Variants in IFT74 observed in about 807,000 individuals in gnomAD.
The protein encoded by IFT74 is intraflagellar transport 74, also known as intraflagellar transport protein 74 homolog.
IFT74 carries 92 observed loss-of-function variants against 96.7 expected under a neutral mutation model. The observed-to-expected ratio is 0.95, with a 90% CI of 0.80 to 1.13. The LOEUF (loss-of-function observed/expected upper bound fraction) is 1.13, where lower values mean the gene tolerates loss of function less well. IFT74 is among the 50% of genes most tolerant of loss of function. IFT74 has a pLI of 0.00. For missense variants in IFT74, 811 were observed against 698.2 expected (o/e 1.16, Z -1.82); for synonymous variants, 223 against 213.2 (o/e 1.05, Z -0.40).
chr9:27,016,873 C>G (rs1196650621), intron 10 of IFT74, 34 bp from the exon 11 acceptor site: 4 of 1,524,824 alleles, frequency 2.6e-6, no homozygotes, highest in Non-Finnish European at 3.6e-6. Context: ...TGATAAAATA[C>G]TAATTAAAAC....
chr9:26,996,543 T>C, intron 8 of IFT74: 1 of 1,233,336 alleles, frequency 8.1e-7, no homozygotes, highest in Non-Finnish European at 1.1e-6. Flanking sequence ...AGAAAAATAA[T>C]AGTTAACAAC....
chr9:27,004,386 G>A (rs943967825), intron 8 of IFT74, among the ~76,000 whole-genome samples: 2 of 152,148 alleles, frequency 1.3e-5, no homozygotes, highest in African/African-American at 4.8e-5. Context: ...AGCATCGTTA[G>A]GTCTGAAGCT....
chr9:27,005,352 T>TCC lies in IFT74; in HGVS notation c.588-3661_588-3660dup, dbSNP rs1443234170. On this transcript the variant is annotated intron_variant, in intron 8 of 19. Transcript: ENST00000380062. ...ATTTGATTGGCTAGATGAAACCATT[T>TCC]CCCCCCCCGCCCCCCGCAAAACAAT... is the stretch of plus-strand genomic sequence containing the variant. Among the ~76,000 whole-genome samples the TCC allele has an allele frequency of 1.5e-3, 28 of 18,924 alleles. 2 individuals are homozygous for TCC. The highest frequency in any genetic ancestry group is 1.8e-3 in the Non-Finnish European group (16 of 8,820). The allele number at this position is 18,924 out of a possible 152,430, so 12.4% of individuals were successfully genotyped here. A position where few individuals can be genotyped will look rare whatever the true frequency, so the allele number is the denominator to read the frequency against.
intron 16 of IFT74, among the ~76,000 whole-genome samples, chr9:27,049,520 G>T (rs1020108309): frequency 5.3e-5 from 8 of 152,162 alleles, no homozygotes; most frequent in Non-Finnish European, 1.0e-4. Flanking sequence ...AATCATTTGT[G>T]CTGAGAGTGG....
intron 8 of IFT74, among the ~76,000 whole-genome samples, chr9:27,004,533 T>C (rs1318075544): frequency 6.6e-6 from 1 of 152,212 alleles, no homozygotes; most frequent in Non-Finnish European, 1.5e-5. Context: ...AAGCATTTGC[T>C]AGCATTATTG....
chr9:27,012,831 C>T (rs1246031426), intron 10 of IFT74, among the ~76,000 whole-genome samples: 6 of 150,130 alleles, frequency 4.0e-5, no homozygotes. Context: ...ATTCTCCTGC[C>T]TCAGCCTCCA....
chr9:27,027,940 G>C lies in IFT74; in HGVS notation c.975-1085G>C, dbSNP rs116607026. On this transcript the variant is annotated intron_variant, in intron 12 of 19. Coordinates refer to ENST00000380062, the MANE Select transcript of IFT74 (RefSeq NM_025103.4). Reference sequence around the variant, plus strand: ...TTTCTTCTAAGAGTTTGGTAATTTAGTTCTTACATTGAGATCTTTGATCCA... The same window carrying C: ...TTTCTTCTAAGAGTTTGGTAATTTACTTCTTACATTGAGATCTTTGATCCA... Among the ~76,000 whole-genome samples the C allele has an allele frequency of 2.8e-3, 430 of 152,200 alleles. 1 individual carries two copies. Among genetic ancestry groups the C allele is most frequent in the African/African-American group, 9.8e-3 (406 of 41,540 alleles).
chr9:26,971,374 T>C (rs1459901791), intron 2 of IFT74, among the ~76,000 whole-genome samples: 1 of 152,186 alleles, frequency 6.6e-6, no homozygotes, highest in African/African-American at 2.4e-5. Flanking sequence ...CCATAAACTC[T>C]GAAAACCACA....
chr9:27,035,855 A>C (rs1266581805), intron 13 of IFT74, among the ~76,000 whole-genome samples: 1 of 152,182 alleles, frequency 6.6e-6, no homozygotes, highest in East Asian at 1.9e-4. Context: ...GCATACCTGT[A>C]ATTTAAAATT....
chr9:26,991,516 G>A (rs113957260), intron 8 of IFT74, among the ~76,000 whole-genome samples: 1,850 of 152,044 alleles, frequency 0.012, 17 homozygotes, highest in Non-Finnish European at 0.021. Context: ...CATTATACCC[G>A]GCCACCATCT....
intron 1 of IFT74, among the ~76,000 whole-genome samples, chr9:26,948,445 A>ATTTTTTTTTTTTTTTTTT (rs1554662864): frequency 2.1e-5 from 1 of 47,312 alleles, no homozygotes; most frequent in African/African-American, 5.9e-5. Flanking sequence ...ATGGCTTTCC[A>ATTTTTTTTTTTTTTTTTT]TTATTTTTTT....
At chr9:27,002,808 T>C (rs1201686665) in intron 8 of IFT74, among the ~76,000 whole-genome samples, 1 of 152,218 alleles carries the variant, frequency 6.6e-6, no homozygotes, top group Non-Finnish European at 1.5e-5. Flanking sequence ...TTAGGATTTT[T>C]TTTTCTACTT....
chr9:27,033,609 C>T (rs60780510), intron 13 of IFT74, among the ~76,000 whole-genome samples: 3,307 of 149,984 alleles, frequency 0.022, 132 homozygotes, highest in African/African-American at 0.076. Context: ...GCCTGGTGCA[C>T]ATTAAGCGCT....
chr9:27,040,447 G>C (rs966074361), intron 13 of IFT74, among the ~76,000 whole-genome samples: 1 of 151,078 alleles, frequency 6.6e-6, no homozygotes, highest in African/African-American at 2.4e-5. Context: ...TAGCTGGGAG[G>C]CTGAGGTAGG....
intron 16 of IFT74, among the ~76,000 whole-genome samples, chr9:27,053,332 C>T (rs1230254771): frequency 6.6e-6 from 1 of 151,934 alleles, no homozygotes; most frequent in Non-Finnish European, 1.5e-5. Context: ...GAAAAAGAGT[C>T]TGTAATCGAC....
At chr9:26,963,989 T>G (rs1240254007) in intron 2 of IFT74, among the ~76,000 whole-genome samples, 10 of 151,700 alleles carry the variant, frequency 6.6e-5, no homozygotes, top group Non-Finnish European at 1.3e-4. Context: ...TTGTCAATTT[T>G]GGCTTTTGTT....
At chr9:27,010,663 A>G (rs958028724) in intron 9 of IFT74, among the ~76,000 whole-genome samples, 1 of 150,230 alleles carries the variant, frequency 6.7e-6, no homozygotes, top group African/African-American at 2.4e-5. Context: ...CCAATTTTTT[A>G]TGTGTTTTTA....
Position 27,060,774 on chromosome 9 carries a change from C to T in IFT74, c.1684+123C>T, listed in dbSNP as rs1481760766. The T allele has an allele frequency of 2.4e-5, 13 of 538,858 alleles. No individual in the cohort carries two copies. In the East Asian group the frequency reaches 2.5e-4, roughly 10 times the overall value. The allele number at this position is 538,858 out of a possible 1,614,324, so 33.4% of individuals were successfully genotyped here. A position where few individuals can be genotyped will look rare whatever the true frequency, so the allele number is the denominator to read the frequency against. On this transcript the variant is annotated intron_variant, in intron 19 of 19. Transcript: ENST00000380062. ...GAGATTGAGACCACCCTGGCTAACA[C>T]GGTGAAACCCCATCTCTACTAAAAA...
Position 27,055,893 on chromosome 9 carries a change from G to C in IFT74, c.1497+121G>C. 4 of 613,458 alleles carry C rather than the reference G, an allele frequency of 6.5e-6. No individual in the cohort carries two copies. The South Asian group carries it at 1.9e-4, about 29-fold the overall frequency. 38.0% of individuals were successfully genotyped at this position (613,458 alleles called of 1,614,324 possible). A position where few individuals can be genotyped will look rare whatever the true frequency, so the allele number is the denominator to read the frequency against. ...AGTTGATTATTTTATATATATAAGT[G>C]AGAAAAAATAAAAATGTTTACATAT... On this transcript the variant is annotated intron_variant, in intron 17 of 19. Transcript: ENST00000380062.
Sources: allele counts gnomAD v4.1 joint callset (sites outside exome capture counted in the v4.1 genomes callset), GRCh38; gene constraint gnomAD v4.1.1; transcripts MANE v1.5; gene names NCBI Gene and HGNC (gene_info 2026-07-23, HGNC 2026-07-21).